Variants in SLC35F4 observed in about 807,000 individuals in gnomAD.
SLC35F4 encodes chromosome 14 open reading frame 36.
Under a neutral mutation model 44.2 loss-of-function variants are expected in SLC35F4, and 24 were observed. The ratio of observed to expected loss-of-function variants is 0.54; its 90% CI spans 0.39 to 0.76. SLC35F4 has a LOEUF of 0.76. Among genes scored for constraint, SLC35F4 ranks in the 30% least tolerant of loss-of-function variants. The probability of loss-of-function intolerance (pLI) is 0.00; values close to 1 mark genes in which losing one functional copy is unlikely to be tolerated. For missense variants in SLC35F4, 562 were observed against 586.1 expected (o/e 0.96, Z 0.42); for synonymous variants, 238 against 223.6 (o/e 1.06, Z -0.57).
intron 6 of SLC35F4, among the ~76,000 whole-genome samples, chr14:57,567,580 T>C (rs1232290613): frequency 6.6e-6 from 1 of 152,248 alleles, no homozygotes; most frequent in Non-Finnish European, 1.5e-5. Context: ...CTCCTTTATA[T>C]TGTTCATACA....
chr14:57,839,105 C>A (rs1241300577), intron 1 of SLC35F4, among the ~76,000 whole-genome samples: 1 of 151,988 alleles, frequency 6.6e-6, no homozygotes, highest in Non-Finnish European at 1.5e-5. Flanking sequence ...ACAGATGTGG[C>A]CCCTGACCTC....
intron 1 of SLC35F4, among the ~76,000 whole-genome samples, chr14:57,774,023 A>C (rs1347825234): frequency 6.6e-6 from 1 of 152,188 alleles, no homozygotes; most frequent in Non-Finnish European, 1.5e-5. Flanking sequence ...TTGATACACC[A>C]TCCATGTATT....
chr14:57,603,968 G>A (rs2070995262), intron 1 of SLC35F4: 1 of 152,116 alleles, frequency 6.6e-6, no homozygotes, highest in Non-Finnish European at 1.5e-5. Context: ...TCTCAGAGAG[G>A]GACCTCTTGA....
chr14:57,914,147 A>G (rs1889270881), intron 1 of SLC35F4, among the ~76,000 whole-genome samples: 2 of 152,216 alleles, frequency 1.3e-5, no homozygotes, highest in Non-Finnish European at 2.9e-5. Flanking sequence ...TATTCTCACA[A>G]TTCTGGAGAC....
intron 1 of SLC35F4, among the ~76,000 whole-genome samples, chr14:57,943,343 C>T (rs1594641527): frequency 6.6e-6 from 1 of 152,298 alleles, no homozygotes; most frequent in East Asian, 1.9e-4. Flanking sequence ...GATTCTTATC[C>T]TATTTTTATG....
intron 1 of SLC35F4, among the ~76,000 whole-genome samples, chr14:57,779,656 T>C (rs1220256841): frequency 1.3e-5 from 2 of 152,164 alleles, no homozygotes; most frequent in African/African-American, 4.8e-5. Flanking sequence ...CCAATATCCT[T>C]AATGAACATT....
At chr14:57,657,272 T>C (rs1239688320) in intron 1 of SLC35F4, among the ~76,000 whole-genome samples, 3 of 152,218 alleles carry the variant, frequency 2.0e-5, no homozygotes, top group African/African-American at 7.2e-5. Flanking sequence ...AGTCCTTTTT[T>C]TTCTGGGCTT....
chr14:57,806,885 C>G (rs1023142722), intron 1 of SLC35F4, among the ~76,000 whole-genome samples: 1 of 152,166 alleles, frequency 6.6e-6, no homozygotes, highest in East Asian at 1.9e-4. Context: ...AAAGCTACTT[C>G]CTACTTGGCT....
chr14:57,880,060 GGAAGGAAGGAA>G, intron 1 of SLC35F4, among the ~76,000 whole-genome samples: 1 of 100,812 alleles, frequency 9.9e-6, no homozygotes, highest in East Asian at 4.3e-4. Context: ...AAGGAAGGAA[GGAAGGAAGGAA>G]GGAAGGAAGG....
chr14:57,955,778 A>G (rs9743906), intron 1 of SLC35F4, among the ~76,000 whole-genome samples: 35,430 of 152,120 alleles, frequency 0.23, 4,398 homozygotes, highest in East Asian at 0.34. Context: ...CCACTGCTCA[A>G]TGAAATAAGA....
chr14:57,821,898 G>A (rs1870993649), intron 1 of SLC35F4, among the ~76,000 whole-genome samples: 1 of 152,136 alleles, frequency 6.6e-6, no homozygotes, highest in African/African-American at 2.4e-5. Context: ...CTGGGAGCAG[G>A]GCCAGGAATA....
intron 1 of SLC35F4, among the ~76,000 whole-genome samples, chr14:57,663,637 C>T (rs946885329): frequency 1.3e-5 from 2 of 152,122 alleles, no homozygotes; most frequent in Admixed American, 6.5e-5. Flanking sequence ...GTCGGTAACA[C>T]GTTTTGGACA....
chr14:57,946,474 T>C (rs1453554370), intron 1 of SLC35F4, among the ~76,000 whole-genome samples: 84 of 137,464 alleles, frequency 6.1e-4, no homozygotes, highest in East Asian at 5.8e-3. Flanking sequence ...CTTTTCTTTT[T>C]TTTTTTTTTT....
At chr14:57,813,559 A>G (rs1882218030) in intron 1 of SLC35F4, among the ~76,000 whole-genome samples, 1 of 152,164 alleles carries the variant, frequency 6.6e-6, no homozygotes, top group African/African-American at 2.4e-5. Flanking sequence ...GTCTCAAAAA[A>G]ATAAAAAAAA....
At chr14:57,763,723 C>CAA (rs2077175670) in intron 1 of SLC35F4, among the ~76,000 whole-genome samples, 2 of 152,158 alleles carry the variant, frequency 1.3e-5, no homozygotes, top group Non-Finnish European at 2.9e-5. Flanking sequence ...TACCACTTTT[C>CAA]AAACACACAG....
At chr14:57,708,620 C>T (rs2075737093) in intron 1 of SLC35F4, among the ~76,000 whole-genome samples, 1 of 152,100 alleles carries the variant, frequency 6.6e-6, no homozygotes, top group African/African-American at 2.4e-5. Context: ...GGTACAGCCC[C>T]ACAGAGTCGG....
At chr14:57,780,605 A>C (rs936607178) in intron 1 of SLC35F4, among the ~76,000 whole-genome samples, 7 of 152,168 alleles carry the variant, frequency 4.6e-5, no homozygotes, top group Admixed American at 1.3e-4. Flanking sequence ...TTTCTATGGA[A>C]CTAGAAAAGA....
chr14:57,879,981 GGGAA>G (rs774753390), intron 1 of SLC35F4, among the ~76,000 whole-genome samples: 70 of 146,386 alleles, frequency 4.8e-4, no homozygotes, highest in African/African-American at 7.1e-4. Flanking sequence ...GAAGAATGGA[GGGAA>G]GGAAGGAAGG....
intron 1 of SLC35F4, among the ~76,000 whole-genome samples, chr14:57,607,946 C>T (rs946497506): frequency 2.0e-5 from 3 of 152,070 alleles, no homozygotes; most frequent in Non-Finnish European, 1.5e-5. Flanking sequence ...CAGTTTCTGT[C>T]GTGGACAACT....
Sources: gnomAD v4.1 joint callset for allele counts (sites outside exome capture counted in the v4.1 genomes callset) on GRCh38, gnomAD v4.1.1 for gene constraint, MANE v1.5 for transcripts, NCBI Gene and HGNC (gene_info 2026-07-23, HGNC 2026-07-21) for gene names.